Variants in PARP3 observed in about 807,000 individuals in gnomAD.
The protein encoded by PARP3 is poly(ADP-ribose) polymerase family member 3, also known as protein mono-ADP-ribosyltransferase PARP3.
Under a neutral mutation model 58.2 loss-of-function variants are expected in PARP3, and 46 were observed. The ratio of observed to expected loss-of-function variants is 0.79; its 90% CI spans 0.62 to 1.01. The LOEUF (loss-of-function observed/expected upper bound fraction) is 1.01, where lower values mean the gene tolerates loss of function less well. Ranked by LOEUF, PARP3 falls within the 50% of genes least tolerant of loss-of-function variation. The probability of loss-of-function intolerance (pLI) is 0.00; values close to 1 mark genes in which losing one functional copy is unlikely to be tolerated. For missense variants in PARP3, 663 were observed against 683.9 expected (o/e 0.97, Z 0.34); for synonymous variants, 252 against 266.4 (o/e 0.95, Z 0.53).
chr3:51,945,222 C>T lies in PARP3; in HGVS notation c.859C>T (p.Leu287=). 2 of 1,613,194 alleles carry T rather than the reference C, an allele frequency of 1.2e-6. No individual in the cohort carries two copies. Among genetic ancestry groups the T allele is most frequent in the Non-Finnish European group, 1.7e-6 (2 of 1,179,520 alleles). The change falls in exon 6 of 11, where the codon CTG becomes TTG. Residue 287 remains leucine, a splice_region_variant and synonymous_variant. Transcript: ENST00000398755. ...TCTGCAGGCCAAGAAGGACATGCTG[C>T]TGGTGAGGGCTGGCAGGGGTGCGGG... ...ELLQAKKDML[L]VLADIELAQA... is the part of the protein sequence containing the mutation.
rs941923887 is a variant in PARP3 at position 51,943,704 on chromosome 3, G to A, written c.183+166G>A. 5.9e-5 allele frequency among the ~76,000 whole-genome samples: 9 copies of A among 152,088 alleles called. 1 individual carries two copies. Among genetic ancestry groups the A allele is most frequent in the East Asian group, 5.8e-4 (3 of 5,186 alleles). Reference sequence around the variant, plus strand: ...ACCCCAGACATCAGGGCTGTGTCCCGTCAGGTCCAGGCGGGTCACATCTGC... The same window carrying A: ...ACCCCAGACATCAGGGCTGTGTCCCATCAGGTCCAGGCGGGTCACATCTGC... On this transcript the variant is annotated intron_variant, in intron 2 of 10. Transcript: ENST00000398755.
At chr3:51,943,068 G>A in intron 1 of PARP3, 2 of 1,375,554 alleles carry the variant, frequency 1.5e-6, no homozygotes, top group Non-Finnish European at 1.9e-6. Context: ...AGGGTAGGGA[G>A]CCAGGCAGAC....
At position 51,943,475 on chromosome 3, in the gene PARP3, C is replaced by G. The variant is rs760049436; in HGVS notation, c.120C>G (p.Pro40=). 1.9e-6 allele frequency: 3 copies of G among 1,610,552 alleles called. No homozygotes were observed. The highest frequency in any genetic ancestry group is 1.1e-5 in the South Asian group (1 of 90,466). ...RSTAEALKAI[P]AEKRIIRVDP... ...CCGCTGAGGCCCTCAAGGCCATACC[C>G]GCAGAGAAGCGCATAATCCGCGTGG... The change falls in exon 2 of 11, where the codon CCC becomes CCG. Residue 40 remains proline, a synonymous_variant. Transcript: ENST00000398755.
rs1468324474 is a variant in PARP3, at chr3:51,944,152, T to C, written c.247T>C (p.Tyr83His). The C allele has an allele frequency of 6.2e-7, 1 of 1,613,782 alleles. No homozygotes were observed. The highest frequency in any genetic ancestry group is 2.2e-5 in the East Asian group (1 of 44,884). The change falls in exon 3 of 11, where the codon TAC (tyrosine) becomes CAC (histidine). Residue 83 changes from tyrosine (Y) to histidine (H), a missense_variant. Tyr to His is a moderately conservative substitution (Grantham distance 83, BLOSUM62 2). Coordinates refer to ENST00000398755, the MANE Select transcript of PARP3 (RefSeq NM_001003931.4). This position sits in a 1 kb window ranked among gnomAD's most constrained non-coding sequence, Gnocchi z 4.2. ...TNIENNNNKF[Y>H]IIQLLQDSNR... is the part of the protein sequence containing the mutation. ...CATCGAGAACAACAACAACAAGTTC[T>C]ACATCATCCAGCTGCTCCAAGACAG...
chr3:51,948,640 C>T lies in PARP3; in HGVS notation c.*160C>T, dbSNP rs1699737693. The T allele has an allele frequency of 3.1e-6, 2 of 650,680 alleles. No homozygotes were observed. The highest frequency in any genetic ancestry group is 5.1e-6 in the Non-Finnish European group (2 of 392,402). 40.3% of individuals were successfully genotyped at this position (650,680 alleles called of 1,614,324 possible). ...GTACAAGATCCCTGAACTTATGCCT[C>T]CTAACTGAAATTTTGTATTCTTTGA... is the stretch of plus-strand genomic sequence containing the variant. On this transcript the variant is annotated 3_prime_UTR_variant, in exon 11 of 11. Transcript: ENST00000398755.
rs200205049 is a variant in PARP3, at chr3:51,945,946, G to A, written c.1098+7G>A. On this transcript the variant is annotated splice_region_variant and intron_variant, in intron 8 of 10. Transcript: ENST00000398755. ...AGTAAACCAAGAAGGGGAGGTGAGGGAGGTTCCCCCACCTCTCCCCCATCA... is the reference window on the plus strand; with the variant it reads ...AGTAAACCAAGAAGGGGAGGTGAGGAAGGTTCCCCCACCTCTCCCCCATCA... 14 of 1,611,132 alleles carry A rather than the reference G, an allele frequency of 8.7e-6. No homozygotes were observed. The African/African-American group carries it at 1.9e-4, about 21-fold the overall frequency.
chr3:51,947,952 G>A, intron 10 of PARP3, 57 bp downstream of exon 10: 1 of 1,549,662 alleles, frequency 6.5e-7, no homozygotes, highest in African/African-American at 1.4e-5. Flanking sequence ...GATAGGGGCT[G>A]GGACATTTTC....
rs1187863259 is a variant in PARP3 at position 51,943,528 on chromosome 3, C to G, written c.173C>G (p.Pro58Arg). The G allele has an allele frequency of 6.2e-7, 1 of 1,609,264 alleles. No homozygotes were observed. Among genetic ancestry groups the G allele is most frequent in the East Asian group, 2.2e-5 (1 of 44,702 alleles). Reference sequence around the variant, plus strand: ...CCAACATGTCCACTCAGCAGCAACCCCGGGACCCAGGTGAGCTGCAGTCCC... The same window carrying G: ...CCAACATGTCCACTCAGCAGCAACCGCGGGACCCAGGTGAGCTGCAGTCCC... ...VDPTCPLSSN[P>R]GTQVYEDYNC... The change falls in exon 2 of 11, where the codon CCC becomes CGC. Residue 58 changes from proline (P) to arginine (R), a missense_variant. This residue lies in a region of PARP3 where 567 missense variants were observed against 553.6 expected (regional missense o/e 1.02). Coordinates refer to ENST00000398755, the MANE Select transcript of PARP3 (RefSeq NM_001003931.4).
At chr3:51,945,707 C>T (rs1031184210) in intron 7 of PARP3, 63 bp downstream of exon 7, 4 of 1,579,130 alleles carry the variant, frequency 2.5e-6, no homozygotes, top group African/African-American at 2.7e-5. Context: ...CCCACCTGCC[C>T]TCGAGGTGCC....
chr3:51,945,195 C>T lies in PARP3; in HGVS notation c.832C>T (p.Leu278Phe). Residue 278 changes from leucine (L) to phenylalanine (F), a missense_variant, in exon 6 of 11, where the codon CTT (leucine) becomes TTT (phenylalanine). Leu to Phe is a conservative substitution (Grantham distance 22, BLOSUM62 0). Around this residue, in one of 3 missense-constraint regions of PARP3, gnomAD observed 567 missense variants for 553.6 expected, o/e 1.02. Coordinates refer to ENST00000398755, the MANE Select transcript of PARP3 (RefSeq NM_001003931.4). The part of the protein sequence containing the change: ...SQPPPINSPE[L>F]LQAKKDMLLV... ...GCCCCCGCCCATCAATTCCCCTGAG[C>T]TTCTGCAGGCCAAGAAGGACATGCT... 1 of 1,613,954 alleles carries T rather than the reference C, an allele frequency of 6.2e-7. No individual in the cohort carries two copies. Among genetic ancestry groups the T allele is most frequent in the South Asian group, 1.1e-5 (1 of 91,084 alleles).
Position 51,946,204 on chromosome 3 carries a change from G to A in PARP3, c.1137G>A (p.Arg379=), listed in dbSNP as rs1420773795. Residue 379 remains arginine (R), a synonymous_variant, in exon 9 of 11, where the codon CGG becomes CGA. Coordinates refer to ENST00000398755, the MANE Select transcript of PARP3 (RefSeq NM_001003931.4). The surrounding 1 kb of genome is among the most constrained non-coding windows in gnomAD (Gnocchi z 4.6). ...AGGCCCACTCCAAACTGGGTAATCG[G>A]AAGCTGCTGTGGCATGGCACCAACA... The part of the protein sequence containing the change: ...RFQAHSKLGN[R]KLLWHGTNMA... 1.2e-6 allele frequency: 2 copies of A among 1,611,296 alleles called. No individual in the cohort carries two copies. Among genetic ancestry groups the A allele is most frequent in the African/African-American group, 1.3e-5 (1 of 74,870 alleles).
At chr3:51,943,607 C>G (rs192352054) in intron 2 of PARP3, 69 bp downstream of exon 2, 2 of 1,420,388 alleles carry the variant, frequency 1.4e-6, no homozygotes, top group African/African-American at 1.4e-5. Flanking sequence ...CAGGCCACCC[C>G]CTTAGGACTC....
chr3:51,943,900 A>G (rs72961999), intron 2 of PARP3, among the ~76,000 whole-genome samples, 189 bp from the exon 3 acceptor site: 3,673 of 131,728 alleles, frequency 0.028, 162 homozygotes, highest in African/African-American at 0.1. Context: ...CCTCCATGTC[A>G]GGGTTTAGCC....
intron 1 of PARP3, chr3:51,942,972 T>G: frequency 1.4e-6 from 2 of 1,406,748 alleles, no homozygotes; most frequent in Non-Finnish European, 1.8e-6. Context: ...CTGAACTAGC[T>G]GACACAGGGG....
At chr3:51,942,999 G>C in intron 1 of PARP3, 1 of 1,401,994 alleles carries the variant, frequency 7.1e-7, no homozygotes, top group South Asian at 1.6e-5. Context: ...CCCCGAAGTG[G>C]AAGAGAGAGA....
Position 51,945,853 on chromosome 3 carries a change from G to A in PARP3, c.1012G>A (p.Val338Met), listed in dbSNP as rs760877290. 7 of 1,613,630 alleles carry A rather than the reference G, an allele frequency of 4.3e-6. No individual in the cohort carries two copies. Among genetic ancestry groups the A allele is most frequent in the Non-Finnish European group, 5.1e-6 (6 of 1,179,590 alleles). The change falls in exon 8 of 11, where the codon GTG becomes ATG. Residue 338 changes from valine (V) to methionine (M), a missense_variant and splice_region_variant. By Grantham distance (21) the Val-to-Met change is conservative (BLOSUM62 1). Transcript: ENST00000398755. ...CAACCAGCTTCTGCTCTCCCCACAGGTGATACAGACCTACTTAGAACAGAC... is the reference window on the plus strand; with the variant it reads ...CAACCAGCTTCTGCTCTCCCCACAGATGATACAGACCTACTTAGAACAGAC... The part of the protein sequence containing the change: ...LLDSGAPEYK[V>M]IQTYLEQTGS...
rs781165090 is a variant in PARP3, at chr3:51,946,200, A to G, written c.1133A>G (p.Asn378Ser). The G allele has an allele frequency of 3.1e-6, 5 of 1,610,598 alleles. No individual in the cohort carries two copies. The South Asian group carries it at 5.5e-5, about 18-fold the overall frequency. The change falls in exon 9 of 11, where the codon AAT becomes AGT. Residue 378 changes from asparagine to serine, a missense_variant. Around this residue, in one of 3 missense-constraint regions of PARP3, gnomAD observed 567 missense variants for 553.6 expected, o/e 1.02. Coordinates refer to ENST00000398755, the MANE Select transcript of PARP3 (RefSeq NM_001003931.4). This position sits in a 1 kb window ranked among gnomAD's most constrained non-coding sequence, Gnocchi z 4.6. ...DRFQAHSKLGNRKLLWHGTNM... is the reference protein window; with the variant it reads ...DRFQAHSKLGSRKLLWHGTNM... Reference sequence around the variant, plus strand: ...TTCCAGGCCCACTCCAAACTGGGTAATCGGAAGCTGCTGTGGCATGGCACC... The same window carrying G: ...TTCCAGGCCCACTCCAAACTGGGTAGTCGGAAGCTGCTGTGGCATGGCACC...
chr3:51,948,177 G>T lies in PARP3; in HGVS notation c.1433-134G>T, dbSNP rs1430743121. 5 of 949,064 alleles carry T rather than the reference G, an allele frequency of 5.3e-6. No individual in the cohort carries two copies. In the East Asian group the frequency reaches 7.4e-5, roughly 14 times the overall value. The allele number at this position is 949,064 out of a possible 1,614,324, so 58.8% of individuals were successfully genotyped here. ...GGCAGAAGCCCCAGCCCCTGCAGTG[G>T]TTTGGAGGTGGGCAAGGTGGAAATG... On this transcript the variant is annotated intron_variant, in intron 10 of 10. Transcript: ENST00000398755.
rs756022423 is a variant in PARP3 at position 51,943,378 on chromosome 3, G to A, written c.23G>A (p.Trp8Ter). 12 of 1,593,970 alleles carry A rather than the reference G, an allele frequency of 7.5e-6. 1 individual carries two copies. The highest frequency in any genetic ancestry group is 4.5e-5 in the East Asian group (2 of 44,150). The change falls in exon 2 of 11, where the codon TGG becomes TAG. Residue 8 changes from tryptophan (W) to a stop codon, truncating the protein, a stop_gained. Coordinates refer to ENST00000398755, the MANE Select transcript of PARP3 (RefSeq NM_001003931.4). LOFTEE classifies it high-confidence loss of function. MAPKPKP[W>*]VQTEGPEKKK... is the part of the protein sequence containing the mutation. ...GCCATGGCTCCAAAGCCGAAGCCCT[G>A]GGTACAGACTGAGGGCCCTGAGAAG...
Sources: gnomAD v4.1 joint callset for allele counts (sites outside exome capture counted in the v4.1 genomes callset) on GRCh38, gnomAD v4.1.1 for gene constraint, gnomAD v4.1.1 regional missense constraint, Gnocchi (gnomAD v3.1) non-coding constraint, MANE v1.5 for transcripts, NCBI Gene and HGNC (gene_info 2026-07-23, HGNC 2026-07-21) for gene names.